The following NRG3 variants were observed in gnomAD, a reference collection of about 807,000 sequenced individuals.
The protein encoded by NRG3 is neuregulin 3, also known as pro-neuregulin-3, membrane-bound isoform.
Under a neutral mutation model 66.9 loss-of-function variants are expected in NRG3, and 31 were observed. That is an observed-to-expected ratio of 0.46 (90% confidence interval 0.35 to 0.63). NRG3 has a LOEUF of 0.63. NRG3 is among the 20% of genes least tolerant of loss of function. The probability of loss-of-function intolerance (pLI) is 0.00; values close to 1 mark genes in which losing one functional copy is unlikely to be tolerated. For synonymous variants in NRG3, 393 were observed against 359.4 expected, an observed-to-expected ratio of 1.09 and a Z score of -1.06; for missense variants, 910 against 878.9, an observed-to-expected ratio of 1.04 and a Z score of -0.45.
At chr10:82,878,230 T>G (rs561705256) in intron 4 of NRG3, among the ~76,000 whole-genome samples, 1 of 152,248 alleles carries the variant, frequency 6.6e-6, no homozygotes, top group East Asian at 1.9e-4. Flanking sequence ...ACAAACTTGA[T>G]GTAGTTGGTG....
intron 4 of NRG3, among the ~76,000 whole-genome samples, chr10:82,878,526 G>A (rs754950455): frequency 6.6e-6 from 1 of 152,174 alleles, no homozygotes; most frequent in Non-Finnish European, 1.5e-5. Flanking sequence ...TTTAGTCTGT[G>A]CCAGATTCAG....
chr10:82,616,212 G>A (rs572843833), intron 2 of NRG3, among the ~76,000 whole-genome samples: 5 of 152,200 alleles, frequency 3.3e-5, no homozygotes, highest in South Asian at 4.2e-4. Context: ...TCAGGATATC[G>A]ATTATGTTAT....
At chr10:82,290,246 C>G (rs982460434) in intron 1 of NRG3, among the ~76,000 whole-genome samples, 2 of 152,110 alleles carry the variant, frequency 1.3e-5, no homozygotes, top group African/African-American at 2.4e-5. Flanking sequence ...CTCACTGTTA[C>G]AATTACTTTG....
intron 1 of NRG3, among the ~76,000 whole-genome samples, chr10:81,895,757 G>A (rs183178352): frequency 1.1e-4 from 16 of 152,256 alleles, no homozygotes; most frequent in Non-Finnish European, 1.8e-4. Context: ...TTGCTGGAGT[G>A]AGCCTCCAGG....
intron 1 of NRG3, among the ~76,000 whole-genome samples, chr10:82,034,194 A>G (rs2062690841): frequency 6.6e-6 from 1 of 152,162 alleles, no homozygotes; most frequent in South Asian, 2.1e-4. Context: ...TACATTTTTT[A>G]AATTACTTAG....
intron 3 of NRG3, among the ~76,000 whole-genome samples, chr10:82,782,897 C>CA (rs1335205757): frequency 6.6e-6 from 1 of 152,010 alleles, no homozygotes; most frequent in African/African-American, 2.4e-5. Flanking sequence ...CGGGCAGAGA[C>CA]AAAACCAAAA....
intron 6 of NRG3, among the ~76,000 whole-genome samples, chr10:82,973,393 G>C (rs543754262): frequency 1.3e-5 from 2 of 152,270 alleles, no homozygotes; most frequent in South Asian, 4.1e-4. Context: ...AATTTAATAA[G>C]TGTTGATTCA....
At chr10:82,620,735 G>T (rs1361184925) in intron 2 of NRG3, among the ~76,000 whole-genome samples, 1 of 152,106 alleles carries the variant, frequency 6.6e-6, no homozygotes, top group East Asian at 1.9e-4. Context: ...CAGGTTTCAG[G>T]CTTTTGACTT....
intron 1 of NRG3, among the ~76,000 whole-genome samples, chr10:82,068,430 T>C (rs1001913997): frequency 6.6e-6 from 1 of 152,238 alleles, no homozygotes; most frequent in African/African-American, 2.4e-5. Flanking sequence ...TGATAGGCTC[T>C]GTATTAGGTA....
chr10:82,725,896 C>A (rs1334901786), intron 2 of NRG3, among the ~76,000 whole-genome samples: 1 of 152,090 alleles, frequency 6.6e-6, no homozygotes, highest in Non-Finnish European at 1.5e-5. Context: ...ATTGTACTGC[C>A]CCTACACTGC....
intron 1 of NRG3, among the ~76,000 whole-genome samples, chr10:82,060,857 T>A (rs746515247): frequency 4.6e-5 from 7 of 152,182 alleles, no homozygotes; most frequent in Non-Finnish European, 1.0e-4. Context: ...CTGGGCTGGT[T>A]GGTGCGGTTC....
At chr10:82,209,666 T>TTATC (rs2075302297) in intron 1 of NRG3, among the ~76,000 whole-genome samples, 1 of 152,184 alleles carries the variant, frequency 6.6e-6, no homozygotes, top group South Asian at 2.1e-4. Flanking sequence ...AGTGTAAATA[T>TTATC]TATCTCAGAA....
At chr10:82,844,447 T>A (rs982272834) in intron 3 of NRG3, among the ~76,000 whole-genome samples, 2 of 152,334 alleles carry the variant, frequency 1.3e-5, no homozygotes, top group Admixed American at 1.3e-4. Flanking sequence ...AAATCTCTGA[T>A]AGTTGCAGTA....
At chr10:81,905,658 C>A (rs1201071648) in intron 1 of NRG3, among the ~76,000 whole-genome samples, 1 of 152,156 alleles carries the variant, frequency 6.6e-6, no homozygotes, top group Non-Finnish European at 1.5e-5. Flanking sequence ...GAAGTTAAGG[C>A]CGTTTCCTAC....
chr10:82,940,128 G>A (rs559729290), intron 4 of NRG3, among the ~76,000 whole-genome samples: 14 of 152,262 alleles, frequency 9.2e-5, no homozygotes, highest in South Asian at 4.1e-4. Context: ...AATGCAGAAG[G>A]GAAGCTTGGG....
At chr10:82,916,762 C>T (rs528699127) in intron 4 of NRG3, among the ~76,000 whole-genome samples, 87 of 152,110 alleles carry the variant, frequency 5.7e-4, no homozygotes, top group East Asian at 2.5e-3. Flanking sequence ...TCTATAGGCG[C>T]GTGCCACCAC....
At chr10:82,554,885 G>A (rs1183319836) in intron 2 of NRG3, among the ~76,000 whole-genome samples, 7 of 152,124 alleles carry the variant, frequency 4.6e-5, no homozygotes, top group African/African-American at 1.7e-4. Context: ...TTATGAGGAC[G>A]GTTTGTATGA....
At chr10:81,947,939 C>T (rs1485438363) in intron 1 of NRG3, among the ~76,000 whole-genome samples, 2 of 152,158 alleles carry the variant, frequency 1.3e-5, no homozygotes, top group Middle Eastern at 3.4e-3. Context: ...TAACTTCTCC[C>T]TCTGAGTGTG....
At chr10:82,726,374 A>G (rs990750830) in intron 2 of NRG3, among the ~76,000 whole-genome samples, 5 of 152,148 alleles carry the variant, frequency 3.3e-5, no homozygotes, top group African/African-American at 1.2e-4. Flanking sequence ...CATAATTCCC[A>G]TGTCATGGGA....
Sources: gnomAD v4.1 joint callset for allele counts (sites outside exome capture counted in the v4.1 genomes callset) on GRCh38, gnomAD v4.1.1 for gene constraint, MANE v1.5 for transcripts, NCBI Gene and HGNC (gene_info 2026-07-23, HGNC 2026-07-21) for gene names.